GLI2: variants seen among roughly 807,000 people sequenced by gnomAD.
GLI2 encodes the protein transcription activator GLI2.
Under a neutral mutation model 78.9 loss-of-function variants are expected in GLI2, and 22 were observed. That is an observed-to-expected ratio of 0.28 (90% CI 0.20 to 0.40). The LOEUF (loss-of-function observed/expected upper bound fraction) is 0.40, where lower values mean the gene tolerates loss of function less well. Ranked by LOEUF, GLI2 falls within the 10% of genes least tolerant of loss-of-function variation. The pLI is 1.00. For missense variants in GLI2, 2,097 were observed against 2,213.2 expected (o/e 0.95, Z 1.05); for synonymous variants, 974 against 963.7 (o/e 1.01, Z -0.20).
intron 2 of GLI2, among the ~76,000 whole-genome samples, chr2:120,827,225 C>A (rs1686111883): frequency 6.6e-6 from 1 of 152,198 alleles, no homozygotes; most frequent in Non-Finnish European, 1.5e-5. Context: ...GTTGGCACAG[C>A]CAAACCCGAG....
chr2:120,756,654 A>T (rs928329309), intron 1 of GLI2, among the ~76,000 whole-genome samples: 3 of 152,126 alleles, frequency 2.0e-5, no homozygotes, highest in Non-Finnish European at 4.4e-5. Context: ...GTTCTTTAAA[A>T]TTTCTTTTGT....
chr2:120,746,994 A>G (rs896810889), intron 1 of GLI2, among the ~76,000 whole-genome samples: 1 of 152,128 alleles, frequency 6.6e-6, no homozygotes, highest in Non-Finnish European at 1.5e-5. Flanking sequence ...TTATTTTATC[A>G]TCCTTATACC....
intron 1 of GLI2, among the ~76,000 whole-genome samples, chr2:120,753,926 A>C (rs1682961771): frequency 6.6e-6 from 1 of 151,996 alleles, no homozygotes; most frequent in Non-Finnish European, 1.5e-5. Context: ...AAAAAAAAAA[A>C]AAAAAACAAC....
chr2:120,812,525 C>T (rs944760325), intron 2 of GLI2, among the ~76,000 whole-genome samples: 1 of 152,250 alleles, frequency 6.6e-6, no homozygotes, highest in South Asian at 2.1e-4. Context: ...AAGGACTGAC[C>T]GTGCTGCCAC....
chr2:120,748,660 A>G (rs1682766660), intron 1 of GLI2, among the ~76,000 whole-genome samples: 1 of 152,182 alleles, frequency 6.6e-6, no homozygotes, highest in South Asian at 2.1e-4. Flanking sequence ...CGAGGCTGGA[A>G]CATTTGGGAT....
At chr2:120,937,888 G>A (rs976009607) in intron 3 of GLI2, among the ~76,000 whole-genome samples, 1 of 152,142 alleles carries the variant, frequency 6.6e-6, no homozygotes, top group African/African-American at 2.4e-5. Context: ...TATCCAGCCC[G>A]CCGGCCACCC....
intron 2 of GLI2, among the ~76,000 whole-genome samples, chr2:120,812,224 A>G (rs541477702): frequency 1.3e-5 from 2 of 152,330 alleles, no homozygotes; most frequent in South Asian, 4.1e-4. Context: ...TGCAGGCTGA[A>G]GAGCGGGTTC....
chr2:120,859,184 A>G (rs1485647798), intron 2 of GLI2, among the ~76,000 whole-genome samples: 1 of 152,188 alleles, frequency 6.6e-6, no homozygotes, highest in Non-Finnish European at 1.5e-5. Context: ...AATGTCAGGG[A>G]TGGGAGAGGC....
At chr2:120,952,995 ACTC>A (rs1392103680) in intron 4 of GLI2, among the ~76,000 whole-genome samples, 4 of 151,604 alleles carry the variant, frequency 2.6e-5, no homozygotes, top group Non-Finnish European at 5.9e-5. Flanking sequence ...CCTTCCTACT[ACTC>A]CTGAACAACG....
At chr2:120,826,263 C>T (rs1456095175) in intron 2 of GLI2, among the ~76,000 whole-genome samples, 1 of 152,190 alleles carries the variant, frequency 6.6e-6, no homozygotes, top group African/African-American at 2.4e-5. Context: ...GCAGTGCCCT[C>T]GTCCCAGTCT....
At chr2:120,905,967 G>A (rs755357540) in intron 2 of GLI2, among the ~76,000 whole-genome samples, 5 of 151,792 alleles carry the variant, frequency 3.3e-5, no homozygotes, top group Admixed American at 6.6e-5. Flanking sequence ...GGTTACCTGC[G>A]TAGGCCACCC....
Position 120,750,097 on chromosome 2 carries a change from G to T in GLI2, c.-31+13812G>T, listed in dbSNP as rs930728. ...TCATCCTCTGAGGGGAGGGCAGGGCGCAGGCTTTGTCTCAGCAGAGACATC... is the reference window on the plus strand; with the variant it reads ...TCATCCTCTGAGGGGAGGGCAGGGCTCAGGCTTTGTCTCAGCAGAGACATC... On this transcript the variant is annotated intron_variant, in intron 1 of 13. Transcript: ENST00000361492. 9.1e-3 allele frequency among the ~76,000 whole-genome samples: 1,383 copies of T among 152,338 alleles called. 16 individuals carry two copies. The highest frequency in any genetic ancestry group is 0.031 in the African/African-American group (1,281 of 41,576).
At chr2:120,934,201 C>T (rs1478029283) in intron 3 of GLI2, among the ~76,000 whole-genome samples, 3 of 152,324 alleles carry the variant, frequency 2.0e-5, no homozygotes, top group African/African-American at 4.8e-5. Context: ...TCACTGACAG[C>T]GCCTCGCCGC....
intron 1 of GLI2, among the ~76,000 whole-genome samples, chr2:120,768,977 C>T (rs1683448452): frequency 6.6e-6 from 1 of 152,202 alleles, no homozygotes; most frequent in African/African-American, 2.4e-5. Context: ...TTCATTCATT[C>T]AACCAGGAAC....
chr2:120,970,578 G>A lies in GLI2; in HGVS notation c.1031G>A (p.Ser344Asn), dbSNP rs766641468. The A allele has an allele frequency of 6.2e-7, 1 of 1,614,178 alleles. No individual in the cohort carries two copies. Among genetic ancestry groups the A allele is most frequent in the African/African-American group, 1.3e-5 (1 of 75,060 alleles). Reference protein sequence around the residue: ...INATPTQLSSSSNCLSDTNQN... With the variant: ...INATPTQLSSNSNCLSDTNQN... ...GCCACGCCCACCCAGCTCAGCAGCA[G>A]CAGCAACTGTCTGAGTGACACCAAC... Residue 344 changes from serine (S) to asparagine (N), a missense_variant, in exon 7 of 14, where the codon AGC becomes AAC. Coordinates refer to ENST00000361492, the MANE Select transcript of GLI2 (RefSeq NM_001374353.1).
chr2:120,774,519 C>A (rs1315828810), intron 1 of GLI2, among the ~76,000 whole-genome samples: 2 of 152,186 alleles, frequency 1.3e-5, no homozygotes, highest in African/African-American at 4.8e-5. Context: ...AAGATGACAC[C>A]TTTTCATGTG....
At chr2:120,910,859 C>T in intron 2 of GLI2, among the ~76,000 whole-genome samples, 1 of 152,252 alleles carries the variant, frequency 6.6e-6, no homozygotes, top group Non-Finnish European at 1.5e-5. Context: ...CAGACCCATT[C>T]TGTTTTAAGG....
chr2:120,872,197 G>T (rs58665778), intron 2 of GLI2, among the ~76,000 whole-genome samples: 5 of 152,346 alleles, frequency 3.3e-5, no homozygotes, highest in East Asian at 1.9e-4. Flanking sequence ...TGGAGCAGAG[G>T]TGAGGTGGTA....
intron 10 of GLI2, 31 bp from the exon 11 acceptor site, chr2:120,982,685 T>A (rs1682769758): frequency 6.3e-7 from 1 of 1,590,960 alleles, no homozygotes; most frequent in Admixed American, 1.7e-5. Flanking sequence ...CCCCCTGGGG[T>A]GCCTTGACTG....
Sources: gnomAD v4.1 joint callset for allele counts (sites outside exome capture counted in the v4.1 genomes callset) on GRCh38, gnomAD v4.1.1 for gene constraint, MANE v1.5 for transcripts, NCBI Gene and HGNC (gene_info 2026-07-23, HGNC 2026-07-21) for gene names.